The following TAS2R1 variants were observed in gnomAD, a reference collection of about 807,000 sequenced individuals.
TAS2R1 encodes taste 2 receptor member 1.
For missense variants in TAS2R1, 370 were observed against 353.4 expected, an observed-to-expected ratio of 1.05 and a Z score of -0.38; for synonymous variants, 141 against 134.2, an observed-to-expected ratio of 1.05 and a Z score of -0.35.
chr5:9,807,550 T>C, the TAS2R1 span, among the ~76,000 whole-genome samples: 644 of 152,272 alleles, frequency 4.2e-3, 5 homozygotes, highest in African/African-American at 0.015. Context: ...TATATCTACA[T>C]ACCATGGAAT....
the TAS2R1 span, among the ~76,000 whole-genome samples, chr5:9,748,898 T>C: frequency 6.6e-6 from 1 of 152,140 alleles, no homozygotes; most frequent in African/African-American, 2.4e-5. Flanking sequence ...CTCACTTCTG[T>C]AGCTTCTCAA....
At chr5:9,775,425 C>T in the TAS2R1 span, among the ~76,000 whole-genome samples, 2 of 152,166 alleles carry the variant, frequency 1.3e-5, no homozygotes, top group Admixed American at 6.5e-5. Flanking sequence ...CTCCATCCCA[C>T]TGTGGCTGAG....
chr5:9,885,542 G>A, the TAS2R1 span, among the ~76,000 whole-genome samples: 2 of 152,186 alleles, frequency 1.3e-5, no homozygotes, highest in African/African-American at 4.8e-5. Flanking sequence ...ATGTGGTGTT[G>A]TTAAGCTTGG....
At chr5:9,654,962 C>G (rs1339039848) in intron 2 of TAS2R1, among the ~76,000 whole-genome samples, 1 of 152,122 alleles carries the variant, frequency 6.6e-6, no homozygotes, top group Non-Finnish European at 1.5e-5. Flanking sequence ...AAAATGCTCA[C>G]AGTAGCTTTA....
chr5:9,719,615 C>T, the TAS2R1 span, among the ~76,000 whole-genome samples: 1 of 152,180 alleles, frequency 6.6e-6, no homozygotes, highest in South Asian at 2.1e-4. Flanking sequence ...ACTCTTCTGG[C>T]TTCCTGCTGC....
the TAS2R1 span, among the ~76,000 whole-genome samples, chr5:9,789,486 C>T: frequency 5.3e-5 from 8 of 152,150 alleles, no homozygotes; most frequent in East Asian, 1.9e-4. Context: ...GGAACTTCAA[C>T]GTGGAGCCAA....
chr5:9,670,992 T>C (rs377765509), intron 1 of TAS2R1, among the ~76,000 whole-genome samples: 14 of 152,262 alleles, frequency 9.2e-5, no homozygotes, highest in African/African-American at 2.9e-4. Context: ...TCAACTTATG[T>C]AAATCAATAA....
At chr5:9,756,151 G>A in the TAS2R1 span, among the ~76,000 whole-genome samples, 1 of 152,138 alleles carries the variant, frequency 6.6e-6, no homozygotes, top group Non-Finnish European at 1.5e-5. Flanking sequence ...GAGTCTACAC[G>A]AGGGAGCATA....
the TAS2R1 span, among the ~76,000 whole-genome samples, chr5:9,880,506 T>C: frequency 1.3e-5 from 2 of 152,224 alleles, no homozygotes; most frequent in Non-Finnish European, 2.9e-5. Flanking sequence ...ATATCAACAC[T>C]ATTGACACTG....
the TAS2R1 span, among the ~76,000 whole-genome samples, chr5:9,805,622 C>A: frequency 6.6e-6 from 1 of 152,040 alleles, no homozygotes; most frequent in South Asian, 2.1e-4. Context: ...TGATACACCA[C>A]ATAAACAAAA....
chr5:9,731,448 G>A, the TAS2R1 span, among the ~76,000 whole-genome samples: 82 of 148,146 alleles, frequency 5.5e-4, no homozygotes, highest in African/African-American at 1.9e-3. Flanking sequence ...AGGCCCCCTG[G>A]AGTCTGCCCC....
At chr5:9,661,419 C>T (rs971544251) in intron 1 of TAS2R1, among the ~76,000 whole-genome samples, 3 of 152,164 alleles carry the variant, frequency 2.0e-5, no homozygotes, top group Admixed American at 2.0e-4. Flanking sequence ...AAGGTGAATG[C>T]ATGCTCTCTT....
the TAS2R1 span, among the ~76,000 whole-genome samples, chr5:9,872,231 T>A: frequency 6.6e-6 from 1 of 152,204 alleles, no homozygotes; most frequent in Non-Finnish European, 1.5e-5. Flanking sequence ...TCAACAATGA[T>A]GCAACAGCAG....
rs1476232033 is a variant in TAS2R1, at chr5:9,629,774, A to G, written c.259T>C (p.Phe87Leu). 6.2e-7 allele frequency: 1 copy of G among 1,613,884 alleles called. No homozygotes were observed. Among genetic ancestry groups the G allele is most frequent in the Admixed American group, 1.7e-5 (1 of 59,980 alleles). Residue 87 changes from phenylalanine (F) to leucine (L), a missense_variant, in exon 1 of 1, where the codon TTT becomes CTT. Coordinates refer to ENST00000382492, the MANE Select transcript of TAS2R1 (RefSeq NM_019599.3). ...MCSANCAILL[F>L]INELELWLAT... ...AGCCAAAGTTCCAATTCATTTATAA[A>G]TAAGAGAATTGCACAATTCGCAGAA...
the TAS2R1 span, among the ~76,000 whole-genome samples, chr5:9,851,278 G>T: frequency 6.6e-6 from 1 of 152,174 alleles, no homozygotes; most frequent in African/African-American, 2.4e-5. Flanking sequence ...ATTGACTCAG[G>T]TTGTCTTCAT....
the TAS2R1 span, among the ~76,000 whole-genome samples, chr5:9,747,162 G>A: frequency 6.6e-6 from 1 of 152,150 alleles, no homozygotes; most frequent in South Asian, 2.1e-4. Flanking sequence ...GCTGGGAAAT[G>A]AAACAAGACA....
At chr5:9,830,617 A>G in the TAS2R1 span, among the ~76,000 whole-genome samples, 1 of 152,084 alleles carries the variant, frequency 6.6e-6, no homozygotes, top group Non-Finnish European at 1.5e-5. Flanking sequence ...ACACACACAC[A>G]CACACACACA....
the TAS2R1 span, among the ~76,000 whole-genome samples, chr5:9,775,047 C>T: frequency 1.3e-5 from 2 of 152,202 alleles, no homozygotes; most frequent in East Asian, 3.8e-4. Context: ...TCAGGCAGGT[C>T]CAGAGATGTC....
intron 1 of TAS2R1, among the ~76,000 whole-genome samples, chr5:9,682,272 C>A (rs752523124): frequency 1.3e-5 from 2 of 152,202 alleles, no homozygotes; most frequent in Non-Finnish European, 2.9e-5. Context: ...GCAGGTTTGG[C>A]AGAACATGGC....
Sources: gnomAD v4.1 joint callset for allele counts (sites outside exome capture counted in the v4.1 genomes callset) on GRCh38, gnomAD v4.1.1 for gene constraint, MANE v1.5 for transcripts, NCBI Gene and HGNC (gene_info 2026-07-23, HGNC 2026-07-21) for gene names.